The following GRM7 variants were observed in gnomAD, a reference collection of about 807,000 sequenced individuals.
GRM7 encodes the protein glutamate metabotropic receptor 7, also known as metabotropic glutamate receptor 7.
A neutral mutation model predicts 84.5 loss-of-function variants in GRM7; 35 were observed. The ratio of observed to expected loss-of-function variants is 0.41; its 90% CI spans 0.32 to 0.55. The LOEUF is 0.55. Ranked by LOEUF, GRM7 falls within the 20% of genes least tolerant of loss-of-function variation. The pLI, the probability that GRM7 is intolerant of heterozygous loss-of-function variation, is 0.19. For missense variants in GRM7, 1,003 were observed against 1,194.6 expected (o/e 0.84, Z 2.36); for synonymous variants, 487 against 455.1 (o/e 1.07, Z -0.89).
At chr3:6,982,152 A>G (rs1694232240) in intron 1 of GRM7, among the ~76,000 whole-genome samples, 1 of 152,210 alleles carries the variant, frequency 6.6e-6, no homozygotes, top group South Asian at 2.1e-4. Flanking sequence ...GTGGCAACAT[A>G]GCTTCAGCTG....
At chr3:7,502,433 TC>T (rs1408268962) in intron 7 of GRM7, among the ~76,000 whole-genome samples, 1 of 152,208 alleles carries the variant, frequency 6.6e-6, no homozygotes, top group African/African-American at 2.4e-5. Context: ...GGTCTCAGTT[TC>T]CTAACATTAA....
chr3:7,013,224 A>T (rs956953074), intron 1 of GRM7, among the ~76,000 whole-genome samples: 1 of 152,048 alleles, frequency 6.6e-6, no homozygotes, highest in Non-Finnish European at 1.5e-5. Flanking sequence ...TTATATTGCA[A>T]AAAGCAAATG....
At chr3:7,029,339 A>T (rs1696105879) in intron 1 of GRM7, among the ~76,000 whole-genome samples, 1 of 151,998 alleles carries the variant, frequency 6.6e-6, no homozygotes, top group Non-Finnish European at 1.5e-5. Context: ...AAACAAAAAA[A>T]ACATGAATAA....
chr3:7,065,841 A>G (rs565403087), intron 1 of GRM7, among the ~76,000 whole-genome samples: 6 of 151,772 alleles, frequency 4.0e-5, no homozygotes, highest in Middle Eastern at 3.2e-3. Flanking sequence ...CTCTCAGACC[A>G]CAGTGGAATA....
At chr3:7,531,856 G>A (rs748701070) in intron 7 of GRM7, among the ~76,000 whole-genome samples, 3 of 152,144 alleles carry the variant, frequency 2.0e-5, no homozygotes, top group African/African-American at 7.2e-5. Context: ...TAGGAGTGGG[G>A]AGAGAGGGCA....
intron 9 of GRM7, chr3:7,686,450 T>A: frequency 7.6e-7 from 1 of 1,321,558 alleles, no homozygotes; most frequent in Non-Finnish European, 1.1e-6. Context: ...TTCCCAAAGG[T>A]AAGAAAACAA....
In GRM7 at chr3:6,920,623, G is replaced by C. The variant is rs563997301; in HGVS notation, c.519+58716G>C. Among the ~76,000 whole-genome samples the C allele has an allele frequency of 1.3e-5, 2 of 151,946 alleles. 1 individual carries two copies. The highest frequency in any genetic ancestry group is 4.8e-5 in the African/African-American group (2 of 41,458). On this transcript the variant is annotated intron_variant, in intron 1 of 9. Coordinates refer to ENST00000357716, the MANE Select transcript of GRM7 (RefSeq NM_000844.4). ...ATTGGATAATACCTCTGCAGATCAA[G>C]TCAAATTAGTTAAGTGTCTATATTT...
intron 4 of GRM7, among the ~76,000 whole-genome samples, chr3:7,316,303 A>G (rs1478601428): frequency 1.3e-5 from 2 of 152,264 alleles, no homozygotes; most frequent in South Asian, 4.1e-4. Context: ...GTTTGAGCAC[A>G]GGAATAACCT....
At chr3:7,473,521 AG>A (rs1575390356) in intron 7 of GRM7, among the ~76,000 whole-genome samples, 1 of 151,738 alleles carries the variant, frequency 6.6e-6, no homozygotes, top group Admixed American at 6.6e-5. Context: ...AGAGAGAGAG[AG>A]AGAGAGAGAA....
chr3:7,432,239 A>G (rs893856043), intron 5 of GRM7, among the ~76,000 whole-genome samples: 1 of 152,268 alleles, frequency 6.6e-6, no homozygotes, highest in Admixed American at 6.5e-5. Flanking sequence ...ATTAAAGCTG[A>G]TAAAACGCAA....
intron 2 of GRM7, among the ~76,000 whole-genome samples, chr3:7,199,975 G>A (rs1387147199): frequency 6.6e-6 from 1 of 152,192 alleles, no homozygotes. Context: ...CCATTCTACA[G>A]GCTGGGAAGT....
chr3:6,885,840 AAT>A (rs1044934764), intron 1 of GRM7, among the ~76,000 whole-genome samples: 2 of 152,228 alleles, frequency 1.3e-5, no homozygotes, highest in Non-Finnish European at 1.5e-5. Flanking sequence ...AATAACTAAT[AAT>A]AGTTACAAGA....
intron 4 of GRM7, among the ~76,000 whole-genome samples, chr3:7,379,155 C>T (rs1003841022): frequency 6.6e-6 from 1 of 152,130 alleles, no homozygotes; most frequent in Non-Finnish European, 1.5e-5. Flanking sequence ...TCACTGCAAC[C>T]TCTGCCTCTC....
chr3:7,066,459 C>G (rs892797283), intron 1 of GRM7, among the ~76,000 whole-genome samples: 1 of 151,856 alleles, frequency 6.6e-6, no homozygotes, highest in Non-Finnish European at 1.5e-5. Flanking sequence ...ATACAACACT[C>G]TTAGCTTAAA....
intron 9 of GRM7, among the ~76,000 whole-genome samples, chr3:7,736,038 C>A (rs543018285): frequency 2.0e-4 from 31 of 152,224 alleles, no homozygotes; most frequent in African/African-American, 7.0e-4. Context: ...TCACACCCAC[C>A]AATGCTTGGT....
chr3:7,725,795 T>C (rs1702104291), intron 9 of GRM7, among the ~76,000 whole-genome samples: 1 of 152,172 alleles, frequency 6.6e-6, no homozygotes, highest in East Asian at 1.9e-4. Context: ...ACAGACATTA[T>C]CAATCCATTC....
chr3:6,897,690 A>G (rs1479467476), intron 1 of GRM7, among the ~76,000 whole-genome samples: 1 of 152,220 alleles, frequency 6.6e-6, no homozygotes, highest in Non-Finnish European at 1.5e-5. Flanking sequence ...TAAAGGTAAT[A>G]ATGTGGTTTG....
chr3:7,326,980 T>C (rs1701014026), intron 4 of GRM7, among the ~76,000 whole-genome samples: 1 of 152,236 alleles, frequency 6.6e-6, no homozygotes. Flanking sequence ...TTAATATCTG[T>C]GTTCCCAGAA....
intron 1 of GRM7, among the ~76,000 whole-genome samples, chr3:6,911,083 C>A (rs1203344037): frequency 6.6e-6 from 1 of 152,088 alleles, no homozygotes; most frequent in South Asian, 2.1e-4. Context: ...TTAGCCCCCT[C>A]ATAGGAGCTT....
Sources: allele counts gnomAD v4.1 joint callset (sites outside exome capture counted in the v4.1 genomes callset), GRCh38; gene constraint gnomAD v4.1.1; transcripts MANE v1.5; gene names NCBI Gene and HGNC (gene_info 2026-07-23, HGNC 2026-07-21).